The following OPCML variants were observed in gnomAD, a reference collection of about 807,000 sequenced individuals.
The protein encoded by OPCML is opioid binding protein/cell adhesion molecule like.
Under a neutral mutation model 37.8 loss-of-function variants are expected in OPCML, and 13 were observed. The observed-to-expected ratio is 0.34, with a 90% confidence interval of 0.22 to 0.55. OPCML has a LOEUF of 0.55. Ranked by LOEUF, OPCML falls within the 20% of genes least tolerant of loss-of-function variation. The pLI is 0.91. For synonymous variants in OPCML, 176 were observed against 168.8 expected (o/e 1.04, Z -0.33); for missense variants, 341 against 435.6 (o/e 0.78, Z 1.93).
At chr11:132,810,031 A>T (rs1342208357) in intron 2 of OPCML, among the ~76,000 whole-genome samples, 1 of 151,952 alleles carries the variant, frequency 6.6e-6, no homozygotes, top group Non-Finnish European at 1.5e-5. Flanking sequence ...TTGTATTTTT[A>T]GTAGAGACGG....
intron 4 of OPCML, among the ~76,000 whole-genome samples, chr11:132,514,112 C>A (rs893085687): frequency 1.3e-5 from 2 of 152,084 alleles, no homozygotes; most frequent in Non-Finnish European, 2.9e-5. Flanking sequence ...TAAGTACTTG[C>A]TTATTTATTT....
At chr11:133,251,579 G>C (rs887971734) in intron 1 of OPCML, among the ~76,000 whole-genome samples, 1 of 151,108 alleles carries the variant, frequency 6.6e-6, no homozygotes, top group Non-Finnish European at 1.5e-5. Flanking sequence ...TCTTTTTTTG[G>C]GGGGGGGAGG....
chr11:132,420,868 G>A (rs2095956197), intron 7 of OPCML, among the ~76,000 whole-genome samples: 1 of 152,172 alleles, frequency 6.6e-6, no homozygotes, highest in Admixed American at 6.5e-5. Context: ...GCTGGAATTA[G>A]GCTTGTCCCA....
chr11:132,528,703 C>T (rs931804955), intron 4 of OPCML, among the ~76,000 whole-genome samples: 3 of 152,168 alleles, frequency 2.0e-5, no homozygotes, highest in African/African-American at 7.2e-5. Flanking sequence ...CAAAGTTCTC[C>T]ATGGCCACGC....
Position 133,422,380 on chromosome 11 carries a change from T to C in OPCML, c.61+109884A>G, listed in dbSNP as rs999403907. 1.7e-5 allele frequency: 16 copies of C among 922,706 alleles called. 2 individuals carry two copies. Among genetic ancestry groups the C allele is most frequent in the Middle Eastern group, 5.4e-4 (1 of 1,866 alleles). 57.2% of individuals were successfully genotyped at this position (922,706 alleles called of 1,614,324 possible). On this transcript the variant is annotated intron_variant, in intron 1 of 7. Coordinates refer to ENST00000524381, the MANE Select transcript of OPCML (RefSeq NM_001012393.5). The stretch of plus-strand genomic sequence containing the variant: ...TTTTTCTCTCAGACCAAAGACATTA[T>C]ATATATATATATATGTATATATGCG...
At chr11:133,077,828 C>A (rs182168242) in intron 1 of OPCML, among the ~76,000 whole-genome samples, 1 of 152,050 alleles carries the variant, frequency 6.6e-6, no homozygotes, top group African/African-American at 2.4e-5. Flanking sequence ...GCCCATCTAC[C>A]GGCCACAGAA....
intron 1 of OPCML, among the ~76,000 whole-genome samples, chr11:132,970,465 A>T (rs2136753154): frequency 6.6e-6 from 1 of 152,298 alleles, no homozygotes; most frequent in East Asian, 1.9e-4. Flanking sequence ...GAACTCCAGA[A>T]TCATATTTAC....
At chr11:132,455,671 A>G (rs1465197170) in intron 4 of OPCML, among the ~76,000 whole-genome samples, 1 of 152,198 alleles carries the variant, frequency 6.6e-6, no homozygotes, top group Non-Finnish European at 1.5e-5. Context: ...AAATCATTCC[A>G]GACTCAAAAG....
At position 133,507,946 on chromosome 11, in the gene OPCML, C is replaced by CA. The variant is rs200433156; in HGVS notation, c.61+24317dup. The stretch of plus-strand genomic sequence containing the variant: ...TGGGTGACAGAGTGAAAGTATGTCT[C>CA]AAAAAAAAAAAAAAAAATCTCAAAT... On this transcript the variant is annotated intron_variant, in intron 1 of 7. Transcript: ENST00000524381. Among the ~76,000 whole-genome samples the CA allele has an allele frequency of 6.9e-3, 683 of 98,686 alleles. 3 individuals are homozygous for CA. Among genetic ancestry groups the CA allele is most frequent in the Middle Eastern group, 6.8e-3 (1 of 148 alleles). 64.7% of individuals were successfully genotyped at this position (98,686 alleles called of 152,430 possible). A position where few individuals can be genotyped will look rare whatever the true frequency, so the allele number is the denominator to read the frequency against.
At chr11:133,153,673 C>A (rs578161890) in intron 1 of OPCML, among the ~76,000 whole-genome samples, 9 of 152,116 alleles carry the variant, frequency 5.9e-5, no homozygotes, top group Non-Finnish European at 1.3e-4. Flanking sequence ...GCATCTCTGG[C>A]CTCCACACCA....
intron 1 of OPCML, chr11:133,026,506 G>A (rs1019878703): frequency 2.0e-6 from 2 of 985,360 alleles, no homozygotes; most frequent in Middle Eastern, 5.2e-4. Context: ...TGTCCTGCTG[G>A]CAGCCTTTTT....
intron 1 of OPCML, among the ~76,000 whole-genome samples, chr11:133,337,599 A>G (rs1325886497): frequency 1.3e-5 from 2 of 152,164 alleles, no homozygotes; most frequent in Non-Finnish European, 2.9e-5. Context: ...CTGTACAGTC[A>G]GTTGACTTCT....
intron 1 of OPCML, among the ~76,000 whole-genome samples, chr11:132,963,813 C>T (rs919938425): frequency 1.6e-4 from 24 of 152,124 alleles, no homozygotes; most frequent in South Asian, 6.2e-4. Flanking sequence ...ATTCTACATT[C>T]GAACATTGTC....
At chr11:132,665,063 T>C (rs1178120354) in intron 2 of OPCML, among the ~76,000 whole-genome samples, 8 of 152,132 alleles carry the variant, frequency 5.3e-5, no homozygotes, top group Non-Finnish European at 1.2e-4. Flanking sequence ...GTCACATTAA[T>C]ACATAGGAAG....
At chr11:132,446,487 T>C (rs748468715) in intron 4 of OPCML, among the ~76,000 whole-genome samples, 3 of 152,102 alleles carry the variant, frequency 2.0e-5, no homozygotes, top group Non-Finnish European at 4.4e-5. Flanking sequence ...GCATTTTTAT[T>C]CTAAAAAGTA....
intron 2 of OPCML, among the ~76,000 whole-genome samples, chr11:132,912,831 T>G (rs1391583977): frequency 6.6e-6 from 1 of 152,256 alleles, no homozygotes. Context: ...GAACTTTCAG[T>G]GGCTTCCCGT....
chr11:132,589,025 G>A (rs1332449951), intron 3 of OPCML, among the ~76,000 whole-genome samples: 2 of 152,120 alleles, frequency 1.3e-5, no homozygotes, highest in Admixed American at 6.6e-5. Context: ...TTATTAGCAC[G>A]ATATAGCCTA....
intron 4 of OPCML, among the ~76,000 whole-genome samples, chr11:132,473,909 A>T (rs117149763): frequency 0.015 from 2,265 of 152,302 alleles, 32 homozygotes; most frequent in Non-Finnish European, 0.026. Context: ...AAATCCAAAC[A>T]GAACACTGTA....
chr11:132,818,378 T>C (rs1240347627), intron 2 of OPCML, among the ~76,000 whole-genome samples: 1 of 152,040 alleles, frequency 6.6e-6, no homozygotes, highest in Non-Finnish European at 1.5e-5. Flanking sequence ...CTCCGTAACG[T>C]GGGTGGACTT....
Sources: gnomAD v4.1 joint callset for allele counts (sites outside exome capture counted in the v4.1 genomes callset) on GRCh38, gnomAD v4.1.1 for gene constraint, MANE v1.5 for transcripts, NCBI Gene and HGNC (gene_info 2026-07-23, HGNC 2026-07-21) for gene names.